CCDC91: variants seen among roughly 807,000 people sequenced by gnomAD.
The protein encoded by CCDC91 is coiled-coil domain containing 91.
A neutral mutation model predicts 63.2 loss-of-function variants in CCDC91; 48 were observed. The ratio of observed to expected loss-of-function variants is 0.76; its 90% CI spans 0.60 to 0.97. The LOEUF (loss-of-function observed/expected upper bound fraction) is 0.97, where lower values mean the gene tolerates loss of function less well. CCDC91 is among the 50% of genes least tolerant of loss of function. The pLI is 0.00. For synonymous variants in CCDC91, 167 were observed against 165.8 expected (o/e 1.01, Z -0.06); for missense variants, 500 against 494.6 (o/e 1.01, Z -0.10).
intron 12 of CCDC91, among the ~76,000 whole-genome samples, chr12:28,503,375 C>G (rs1242683417): frequency 6.6e-6 from 1 of 152,304 alleles, no homozygotes; most frequent in Non-Finnish European, 1.5e-5. Context: ...CAAATCAAAA[C>G]CACAATGAGA....
intron 12 of CCDC91, among the ~76,000 whole-genome samples, chr12:28,521,481 A>G (rs1319445452): frequency 1.3e-5 from 2 of 152,128 alleles, no homozygotes; most frequent in Non-Finnish European, 2.9e-5. Context: ...GGCTGAGACG[A>G]CGTGGTTTTC....
At chr12:28,232,721 T>C (rs1391817269) in intron 1 of CCDC91, among the ~76,000 whole-genome samples, 1 of 152,154 alleles carries the variant, frequency 6.6e-6, no homozygotes, top group Non-Finnish European at 1.5e-5. Context: ...CTGTTATGAC[T>C]GAACGGTCAG....
At chr12:28,483,561 T>C (rs1296245749) in intron 11 of CCDC91, among the ~76,000 whole-genome samples, 1 of 152,140 alleles carries the variant, frequency 6.6e-6, no homozygotes, top group African/African-American at 2.4e-5. Flanking sequence ...CTCTTACTTA[T>C]GGTGTCCAGC....
At chr12:28,483,897 G>A (rs1511551) in intron 11 of CCDC91, among the ~76,000 whole-genome samples, 155 bp from the exon 12 acceptor site, 7 of 151,914 alleles carry the variant, frequency 4.6e-5, no homozygotes, top group African/African-American at 1.7e-4. Flanking sequence ...CTAACAGATC[G>A]CAAAAGATTC....
At chr12:28,540,996 G>A (rs1942590602) in intron 12 of CCDC91, among the ~76,000 whole-genome samples, 1 of 152,114 alleles carries the variant, frequency 6.6e-6, no homozygotes, top group African/African-American at 2.4e-5. Context: ...GATGACTAGA[G>A]TCCTAGCCTA....
chr12:28,308,482 C>T (rs1938978904), intron 6 of CCDC91, among the ~76,000 whole-genome samples: 1 of 151,990 alleles, frequency 6.6e-6, no homozygotes, highest in Non-Finnish European at 1.5e-5. Flanking sequence ...TGTTCTAAAA[C>T]CTTCGTGGGC....
intron 6 of CCDC91, among the ~76,000 whole-genome samples, chr12:28,334,811 A>G (rs560500355): frequency 9.9e-5 from 15 of 152,196 alleles, no homozygotes; most frequent in African/African-American, 3.6e-4. Flanking sequence ...CACCAAACCA[A>G]CCAAACATAA....
At chr12:28,418,461 T>C (rs1456509162) in intron 8 of CCDC91, among the ~76,000 whole-genome samples, 1 of 152,144 alleles carries the variant, frequency 6.6e-6, no homozygotes, top group Admixed American at 6.6e-5. Flanking sequence ...GTACAACTTT[T>C]AGCTATTGAC....
chr12:28,400,277 C>T (rs879595270), intron 8 of CCDC91, among the ~76,000 whole-genome samples: 30 of 152,286 alleles, frequency 2.0e-4, no homozygotes, highest in African/African-American at 6.5e-4. Flanking sequence ...ACGTTGGCCC[C>T]TTTTAGTCAT....
At chr12:28,357,395 C>T (rs1041426666) in intron 6 of CCDC91, among the ~76,000 whole-genome samples, 18 of 152,042 alleles carry the variant, frequency 1.2e-4, no homozygotes, top group African/African-American at 3.9e-4. Flanking sequence ...ACCTTTGCAT[C>T]AGTTTTTCAG....
intron 12 of CCDC91, among the ~76,000 whole-genome samples, chr12:28,522,881 G>T (rs971646091): frequency 2.0e-5 from 3 of 152,186 alleles, no homozygotes; most frequent in African/African-American, 7.2e-5. Context: ...TAGTTGAGTG[G>T]TTTTGAGTGA....
intron 7 of CCDC91, among the ~76,000 whole-genome samples, chr12:28,387,463 T>A (rs1945674680): frequency 6.6e-6 from 1 of 152,194 alleles, no homozygotes; most frequent in Non-Finnish European, 1.5e-5. Context: ...TTCGTGGTGA[T>A]TTGTGAGATT....
chr12:28,415,983 T>G lies in CCDC91; in HGVS notation c.762+24572T>G, dbSNP rs532293055. 2.6e-5 allele frequency among the ~76,000 whole-genome samples: 4 copies of G among 152,072 alleles called. No individual in the cohort carries two copies. The South Asian group carries it at 8.3e-4, about 32-fold the overall frequency. ...CTGAGGAATGTGTTTTTTTTTTTCT[T>G]TTTTCTTGGAAATCCAGTCATGAGG... On this transcript the variant is annotated intron_variant, in intron 8 of 12. Transcript: ENST00000536442.
At chr12:28,234,678 A>G (rs1026390773) in intron 1 of CCDC91, among the ~76,000 whole-genome samples, 4 of 152,194 alleles carry the variant, frequency 2.6e-5, no homozygotes, top group Middle Eastern at 3.2e-3. Flanking sequence ...AGCATTGGTT[A>G]ACATCATGAC....
intron 7 of CCDC91, among the ~76,000 whole-genome samples, chr12:28,374,376 C>A (rs1054750925): frequency 1.3e-5 from 2 of 151,950 alleles, no homozygotes; most frequent in African/African-American, 4.8e-5. Context: ...TTTTCCAATT[C>A]TTTTTTTAAA....
At chr12:28,231,084 A>G (rs947024908) in intron 1 of CCDC91, among the ~76,000 whole-genome samples, 3 of 152,170 alleles carry the variant, frequency 2.0e-5, no homozygotes, top group African/African-American at 7.2e-5. Context: ...GCTCTAAGAA[A>G]TAGAGCTCTG....
At chr12:28,361,154 C>A (rs943622514) in intron 6 of CCDC91, among the ~76,000 whole-genome samples, 3 of 151,114 alleles carry the variant, frequency 2.0e-5, no homozygotes, top group African/African-American at 7.3e-5. Flanking sequence ...CATTATTTAT[C>A]ATCTTTTTTA....
intron 7 of CCDC91, among the ~76,000 whole-genome samples, chr12:28,373,770 TGTC>T (rs1944770012): frequency 6.6e-6 from 1 of 152,172 alleles, no homozygotes; most frequent in Non-Finnish European, 1.5e-5. Context: ...AATCCCTACA[TGTC>T]GTGACAGGGA....
chr12:28,419,602 A>G (rs969970344), intron 8 of CCDC91, among the ~76,000 whole-genome samples: 1 of 152,170 alleles, frequency 6.6e-6, no homozygotes. Flanking sequence ...TTGTAAGTCT[A>G]CTTTTACTGA....
Sources: gnomAD v4.1 joint callset for allele counts (sites outside exome capture counted in the v4.1 genomes callset) on GRCh38, gnomAD v4.1.1 for gene constraint, MANE v1.5 for transcripts, NCBI Gene and HGNC (gene_info 2026-07-23, HGNC 2026-07-21) for gene names.